Variants in SBNO1 observed in about 807,000 individuals in gnomAD.
SBNO1 encodes strawberry notch homolog 1.
In SBNO1, 23 loss-of-function variants were observed where a neutral mutation model predicts 173.6. That is an observed-to-expected ratio of 0.13 (90% confidence interval 0.10 to 0.19). The LOEUF is 0.19. Among genes scored for constraint, SBNO1 ranks in the 10% least tolerant of loss-of-function variants. SBNO1 has a pLI of 1.00. For missense variants in SBNO1, 1,238 were observed against 1,671.2 expected, an observed-to-expected ratio of 0.74 and a Z score of 4.52; for synonymous variants, 632 against 571.5, an observed-to-expected ratio of 1.11 and a Z score of -1.51.
intron 1 of SBNO1, among the ~76,000 whole-genome samples, chr12:123,354,405 T>C (rs919458412): frequency 6.6e-6 from 1 of 152,144 alleles, no homozygotes; most frequent in Non-Finnish European, 1.5e-5. Flanking sequence ...TCCTAATATA[T>C]ATCTTATACA....
rs984229883 is a variant in SBNO1, at chr12:123,363,865, G to C, written c.-1+836C>G. 3 of 985,406 alleles carry C rather than the reference G, an allele frequency of 3.0e-6. No homozygotes were observed. The African/African-American group carries it at 5.2e-5, about 17-fold the overall frequency. 61.0% of individuals were successfully genotyped at this position (985,406 alleles called of 1,614,324 possible). On this transcript the variant is annotated intron_variant, in intron 1 of 31. Coordinates refer to ENST00000602398, the MANE Select transcript of SBNO1 (RefSeq NM_001167856.3). Reference sequence around the variant, plus strand: ...GGGAAGGGGAGGAGCTGGATGCCAGGGTCAGGAAAGAAACAATCAGAAGGG... The same window carrying C: ...GGGAAGGGGAGGAGCTGGATGCCAGCGTCAGGAAAGAAACAATCAGAAGGG...
intron 30 of SBNO1, among the ~76,000 whole-genome samples, chr12:123,298,456 C>T (rs977045064): frequency 6.6e-6 from 1 of 152,032 alleles, no homozygotes; most frequent in Non-Finnish European, 1.5e-5. Context: ...CGGTGTTTTG[C>T]CATGTTGGGC....
intron 28 of SBNO1, among the ~76,000 whole-genome samples, chr12:123,307,978 A>G (rs2048962358): frequency 6.6e-6 from 1 of 152,146 alleles, no homozygotes; most frequent in Non-Finnish European, 1.5e-5. Context: ...AGGCTGTGGC[A>G]GGAGAATCGC....
At chr12:123,309,184 G>A (rs1406639904) in intron 28 of SBNO1, 126 bp downstream of exon 28, 1 of 697,414 alleles carries the variant, frequency 1.4e-6, no homozygotes, top group East Asian at 2.7e-5. Flanking sequence ...CAATTACAAT[G>A]ATAAATTACC....
intron 7 of SBNO1, among the ~76,000 whole-genome samples, chr12:123,333,805 A>G (rs566222824): frequency 5.6e-4 from 85 of 152,096 alleles, no homozygotes; most frequent in Non-Finnish European, 8.1e-4. Flanking sequence ...GTCGATATAC[A>G]TATTTTTAAT....
chr12:123,297,699 C>G (rs1323065002), intron 31 of SBNO1, among the ~76,000 whole-genome samples: 1 of 152,050 alleles, frequency 6.6e-6, no homozygotes, highest in Non-Finnish European at 1.5e-5. Flanking sequence ...GTCTACACAC[C>G]AGGGAGCCTG....
chr12:123,341,950 T>C (rs1872613920), intron 4 of SBNO1, among the ~76,000 whole-genome samples: 1 of 151,970 alleles, frequency 6.6e-6, no homozygotes, highest in Non-Finnish European at 1.5e-5. Flanking sequence ...AGCTTGAAAA[T>C]TATTTATCAG....
intron 1 of SBNO1, 147 bp downstream of exon 1, chr12:123,364,554 G>C (rs1449634706): frequency 5.1e-6 from 5 of 983,640 alleles, no homozygotes; most frequent in African/African-American, 1.7e-5. Flanking sequence ...GCGGCCGCGA[G>C]GAGCGGCAAG....
rs574655778 is a variant in SBNO1 at position 123,364,342 on chromosome 12, G to A, written c.-1+359C>T. The A allele has an allele frequency of 8.1e-6, 8 of 984,948 alleles. No individual in the cohort carries two copies. The South Asian group carries it at 1.9e-4, about 23-fold the overall frequency. 61.0% of individuals were successfully genotyped at this position (984,948 alleles called of 1,614,324 possible). A position where few individuals can be genotyped will look rare whatever the true frequency, so the allele number is the denominator to read the frequency against. ...GCAGCCCCCGGGTTGTGAGGCGGAA[G>A]CCAAAGGGGCGAACCCAGCGGAGCC... On this transcript the variant is annotated intron_variant, in intron 1 of 31. Transcript: ENST00000602398.
At chr12:123,349,994 C>A (rs983543839) in intron 2 of SBNO1, among the ~76,000 whole-genome samples, 1 of 152,080 alleles carries the variant, frequency 6.6e-6, no homozygotes, top group Non-Finnish European at 1.5e-5. Context: ...TTGGCTCGCA[C>A]CTGTAATCCC....
In SBNO1 at chr12:123,309,297, G is replaced by C; in HGVS notation, c.3630+13C>G. The C allele has an allele frequency of 6.2e-7, 1 of 1,601,152 alleles. No homozygotes were observed. The highest frequency in any genetic ancestry group is 8.6e-7 in the Non-Finnish European group (1 of 1,168,390). On this transcript the variant is annotated intron_variant, in intron 28 of 31. Transcript: ENST00000602398. ...ATTATATATCTGAATAGAATTTAAA[G>C]GAAAAGTCGTACTTGCAATGACAAG... is the stretch of plus-strand genomic sequence containing the variant.
At chr12:123,312,498 G>A (rs920925296) in intron 24 of SBNO1, among the ~76,000 whole-genome samples, 1 of 152,076 alleles carries the variant, frequency 6.6e-6, no homozygotes, top group East Asian at 1.9e-4. Flanking sequence ...GATCACATGC[G>A]GCCAGGATTT....
chr12:123,345,264 C>T lies in SBNO1; in HGVS notation c.544G>A (p.Ala182Thr). ...PANIAQPVAT[A>T]ATDVSNGTVK... ...CTATTGAAAACAGACTTACTAGCTG[C>T]TGTTGCTACTGGCTGAGCAATATTA... is the stretch of plus-strand genomic sequence containing the variant. The change falls in exon 4 of 32, where the codon GCA becomes ACA. Residue 182 changes from alanine (A) to threonine (T), a missense_variant. Ala to Thr is a moderately conservative substitution (Grantham distance 58). This residue lies in a region of SBNO1 where 287 missense variants were observed against 274.1 expected (regional missense o/e 1.05). Coordinates refer to ENST00000602398, the MANE Select transcript of SBNO1 (RefSeq NM_001167856.3). 2 of 1,612,094 alleles carry T rather than the reference C, an allele frequency of 1.2e-6. No individual in the cohort carries two copies. Among genetic ancestry groups the T allele is most frequent in the Non-Finnish European group, 1.7e-6 (2 of 1,178,324 alleles).
intron 1 of SBNO1, among the ~76,000 whole-genome samples, chr12:123,352,616 G>C (rs897510082): frequency 6.6e-6 from 1 of 152,182 alleles, no homozygotes; most frequent in East Asian, 1.9e-4. Context: ...TAGCATGTAA[G>C]AACTGTTTCA....
chr12:123,359,502 C>A (rs1874867554), intron 1 of SBNO1, among the ~76,000 whole-genome samples: 1 of 150,604 alleles, frequency 6.6e-6, no homozygotes, highest in African/African-American at 2.4e-5. Context: ...GTGGAGGTTG[C>A]CAAGATCGCA....
Position 123,292,284 on chromosome 12 carries a change from T to C in SBNO1, c.*3624A>G, listed in dbSNP as rs1308673662. 2.0e-5 allele frequency: 3 copies of C among 152,206 alleles called. No individual in the cohort carries two copies. Among genetic ancestry groups the C allele is most frequent in the Admixed American group, 2.0e-4 (3 of 15,272 alleles). 9.4% of individuals were successfully genotyped at this position (152,206 alleles called of 1,614,324 possible). ...CTTATGTAGCACCATTCTTAGAAAC[T>C]ACCAAGTATCACACAGGTACATGTG... On this transcript the variant is annotated 3_prime_UTR_variant, in exon 32 of 32. Transcript: ENST00000602398.
intron 3 of SBNO1, among the ~76,000 whole-genome samples, chr12:123,346,030 T>G (rs1215733275): frequency 1.3e-5 from 2 of 152,178 alleles, no homozygotes; most frequent in Non-Finnish European, 2.9e-5. Context: ...ACGGACAACT[T>G]TGACGAAAAG....
In SBNO1 at chr12:123,319,567, C is replaced by T. The variant is rs144658014; in HGVS notation, c.2799+333G>A. The stretch of plus-strand genomic sequence containing the variant: ...GGACTACAGGCATGCACTACCACAC[C>T]CAGCTAAATTTTTGTATTTTCAGTA... On this transcript the variant is annotated intron_variant, in intron 20 of 31. Transcript: ENST00000602398. Among the ~76,000 whole-genome samples the T allele has an allele frequency of 5.1e-4, 78 of 151,816 alleles. 1 individual carries two copies. In the East Asian group the frequency reaches 0.013, roughly 26 times the overall value.
intron 6 of SBNO1, 80 bp downstream of exon 6, chr12:123,336,315 G>A (rs1178053482): frequency 4.3e-6 from 4 of 925,190 alleles, no homozygotes; most frequent in South Asian, 1.5e-5. Flanking sequence ...AAATTTATAT[G>A]GAAAAAAACA....
Sources: gnomAD v4.1 joint callset for allele counts (sites outside exome capture counted in the v4.1 genomes callset) on GRCh38, gnomAD v4.1.1 for gene constraint, gnomAD v4.1.1 regional missense constraint, MANE v1.5 for transcripts, NCBI Gene and HGNC (gene_info 2026-07-23, HGNC 2026-07-21) for gene names.